The following PLXDC1 variants were observed in gnomAD, a reference collection of about 807,000 sequenced individuals.
PLXDC1 encodes plexin domain containing 1, also known as plexin domain-containing protein 1.
A neutral mutation model predicts 61.3 loss-of-function variants in PLXDC1; 39 were observed. That is an observed-to-expected ratio of 0.64 (90% CI 0.49 to 0.83). The LOEUF is 0.83. Ranked by LOEUF, PLXDC1 falls within the 40% of genes least tolerant of loss-of-function variation. The pLI is 0.00. For synonymous variants in PLXDC1, 212 were observed against 254.5 expected (o/e 0.83, Z 1.59); for missense variants, 596 against 666.5 (o/e 0.89, Z 1.17).
At chr17:39,143,772 G>A (rs947676713) in intron 1 of PLXDC1, among the ~76,000 whole-genome samples, 5 of 152,248 alleles carry the variant, frequency 3.3e-5, no homozygotes, top group Non-Finnish European at 5.9e-5. Flanking sequence ...GGGGAGGAGG[G>A]CAGTCCCCAG....
intron 1 of PLXDC1, among the ~76,000 whole-genome samples, chr17:39,145,172 G>C (rs1291631363): frequency 6.6e-6 from 1 of 152,136 alleles, no homozygotes; most frequent in Non-Finnish European, 1.5e-5. Flanking sequence ...CCGGGGTGGG[G>C]CTGGCATGTG....
chr17:39,144,351 T>G (rs2143968793), intron 1 of PLXDC1, among the ~76,000 whole-genome samples: 1 of 152,314 alleles, frequency 6.6e-6, no homozygotes, highest in East Asian at 1.9e-4. Context: ...TATAGAGAGC[T>G]CAGGCCAGGG....
chr17:39,146,161 C>T (rs533625056), intron 1 of PLXDC1, among the ~76,000 whole-genome samples: 1 of 151,376 alleles, frequency 6.6e-6, no homozygotes. Flanking sequence ...ACCTCCACCT[C>T]TCGGGTTCAA....
At position 39,067,839 on chromosome 17, in the gene PLXDC1, C is replaced by G. The variant is rs956524321; in HGVS notation, c.*1G>C. 4 of 1,613,180 alleles carry G rather than the reference C, an allele frequency of 2.5e-6. No homozygotes were observed. In the African/African-American group the frequency reaches 5.3e-5, roughly 22 times the overall value. ...GTCTTCAAAGGGGAGACTTGGTGTT[C>G]TCAGCACTGCTCAGCCTCCATGAAG... On this transcript the variant is annotated 3_prime_UTR_variant, in exon 14 of 14. Transcript: ENST00000315392.
intron 11 of PLXDC1, among the ~76,000 whole-genome samples, chr17:39,073,769 A>G (rs1909216101): frequency 6.6e-6 from 1 of 152,238 alleles, no homozygotes; most frequent in African/African-American, 2.4e-5. Context: ...GTGGCTATCA[A>G]GGTGTTCTGT....
At chr17:39,129,317 CAAAAAAA>C (rs35923960) in intron 2 of PLXDC1, among the ~76,000 whole-genome samples, 1 of 109,100 alleles carries the variant, frequency 9.2e-6, no homozygotes, top group Non-Finnish European at 1.9e-5. Context: ...GACTCTGTCT[CAAAAAAA>C]AAAAAAAAAA....
At chr17:39,136,545 G>C (rs1372340055) in intron 2 of PLXDC1, among the ~76,000 whole-genome samples, 1 of 151,832 alleles carries the variant, frequency 6.6e-6, no homozygotes, top group Non-Finnish European at 1.5e-5. Flanking sequence ...CACCGTGCCC[G>C]GCCCAAAGTT....
At chr17:39,107,334 C>T (rs1910631144) in intron 6 of PLXDC1, 73 bp downstream of exon 6, 6 of 930,510 alleles carry the variant, frequency 6.4e-6, no homozygotes, top group Non-Finnish European at 1.0e-5. Context: ...TGGCACATTG[C>T]AAATTCTCTA....
intron 4 of PLXDC1, 112 bp downstream of exon 4, chr17:39,108,792 G>A: frequency 1.4e-6 from 1 of 718,330 alleles, no homozygotes; most frequent in Non-Finnish European, 2.5e-6. Context: ...AGCCAAATGT[G>A]CCTTCCTCCC....
chr17:39,108,450 C>A (rs1910673987), intron 4 of PLXDC1: 3 of 594,514 alleles, frequency 5.0e-6, no homozygotes, highest in Non-Finnish European at 9.0e-6. Context: ...CTCCCTGTCC[C>A]TTCAGCAGGG....
At chr17:39,083,396 A>G in intron 9 of PLXDC1, 63 bp downstream of exon 9, 1 of 1,338,922 alleles carries the variant, frequency 7.5e-7, no homozygotes, top group Non-Finnish European at 1.1e-6. Flanking sequence ...GGACGGGGCC[A>G]TGCCACCCTC....
intron 8 of PLXDC1, among the ~76,000 whole-genome samples, chr17:39,084,713 G>A (rs1909679997): frequency 6.6e-6 from 1 of 152,246 alleles, no homozygotes; most frequent in East Asian, 1.9e-4. Flanking sequence ...AGCGACAGCT[G>A]GGGCCCAGCC....
At chr17:39,114,895 C>T (rs1252816475) in intron 2 of PLXDC1, among the ~76,000 whole-genome samples, 1 of 152,218 alleles carries the variant, frequency 6.6e-6, no homozygotes, top group Non-Finnish European at 1.5e-5. Context: ...TTTCCCCAAA[C>T]CTCCGGGCGT....
At chr17:39,124,681 A>G (rs940642004) in intron 2 of PLXDC1, among the ~76,000 whole-genome samples, 2 of 152,236 alleles carry the variant, frequency 1.3e-5, no homozygotes, top group African/African-American at 4.8e-5. Context: ...TGGTTTTGCC[A>G]CTTACTGGCT....
chr17:39,104,254 A>G (rs1383401405), intron 7 of PLXDC1, among the ~76,000 whole-genome samples: 1 of 152,174 alleles, frequency 6.6e-6, no homozygotes, highest in Non-Finnish European at 1.5e-5. Flanking sequence ...TTTTACAGAT[A>G]AAGAAATAAA....
intron 2 of PLXDC1, among the ~76,000 whole-genome samples, chr17:39,135,135 G>A (rs1454243979): frequency 6.6e-6 from 1 of 152,154 alleles, no homozygotes; most frequent in Non-Finnish European, 1.5e-5. Flanking sequence ...AGGCCTTCGG[G>A]TTCCTGACCT....
intron 1 of PLXDC1, among the ~76,000 whole-genome samples, chr17:39,143,109 G>A (rs1256039609): frequency 6.6e-6 from 1 of 152,192 alleles, no homozygotes; most frequent in Non-Finnish European, 1.5e-5. Context: ...CTGTACTCCA[G>A]CCTGGACAAA....
In PLXDC1 at chr17:39,083,517, C is replaced by A. The variant is rs1027767672; in HGVS notation, c.931G>T (p.Asp311Tyr). ...GTCAGGTCTGAGGACATGCAGGCGT[C>A]ACAGCTCCTATGCTGCAGGCAGGCT... ...LPTCLQHRSC[D>Y]ACMSSDLTFN... Residue 311 changes from aspartate (D) to tyrosine (Y), a missense_variant, in exon 9 of 14, where the codon GAC becomes TAC. Transcript: ENST00000315392. 3.7e-6 allele frequency: 6 copies of A among 1,613,344 alleles called. No individual in the cohort carries two copies. Among genetic ancestry groups the A allele is most frequent in the Non-Finnish European group, 4.2e-6 (5 of 1,179,740 alleles).
At chr17:39,129,262 G>A (rs2143849358) in intron 2 of PLXDC1, among the ~76,000 whole-genome samples, 1 of 150,338 alleles carries the variant, frequency 6.7e-6, no homozygotes, top group Admixed American at 6.7e-5. Flanking sequence ...AGGTTGCAGT[G>A]AGCCAAGATC....
Sources: allele counts gnomAD v4.1 joint callset (sites outside exome capture counted in the v4.1 genomes callset), GRCh38; gene constraint gnomAD v4.1.1; transcripts MANE v1.5; gene names NCBI Gene and HGNC (gene_info 2026-07-23, HGNC 2026-07-21).